Variants in SLC24A2 observed in about 807,000 individuals in gnomAD.
SLC24A2 encodes solute carrier family 24 member 2.
In SLC24A2, 36 loss-of-function variants were observed where a neutral mutation model predicts 62.0. That is an observed-to-expected ratio of 0.58 (90% CI 0.44 to 0.77). The LOEUF is 0.77. SLC24A2 is among the 30% of genes least tolerant of loss of function. SLC24A2 has a pLI of 0.00. For synonymous variants in SLC24A2, 358 were observed against 294.0 expected (o/e 1.22, Z -2.23); for missense variants, 846 against 817.9 (o/e 1.03, Z -0.42).
chr9:19,995,343 CCA>C, the SLC24A2 span, among the ~76,000 whole-genome samples: 1 of 152,132 alleles, frequency 6.6e-6, no homozygotes, highest in African/African-American at 2.4e-5. Flanking sequence ...AACACACATG[CCA>C]CAGAGGTAAA....
the SLC24A2 span, among the ~76,000 whole-genome samples, chr9:20,190,699 T>C: frequency 1.3e-5 from 2 of 152,320 alleles, no homozygotes; most frequent in East Asian, 3.9e-4. Flanking sequence ...TTTTCTGTAT[T>C]AGTCATGAGC....
At chr9:19,818,804 A>G in the SLC24A2 span, among the ~76,000 whole-genome samples, 1 of 152,166 alleles carries the variant, frequency 6.6e-6, no homozygotes, top group African/African-American at 2.4e-5. Context: ...CACAGTCCCC[A>G]TCAAAATACC....
At chr9:19,711,238 C>G (rs1457386833) in intron 2 of SLC24A2, among the ~76,000 whole-genome samples, 1 of 152,168 alleles carries the variant, frequency 6.6e-6, no homozygotes, top group Non-Finnish European at 1.5e-5. Context: ...CTTCCAGAGG[C>G]TACATGATGT....
chr9:19,869,141 C>T, the SLC24A2 span, among the ~76,000 whole-genome samples: 1 of 152,040 alleles, frequency 6.6e-6, no homozygotes, highest in Admixed American at 6.6e-5. Flanking sequence ...ACCACCATTC[C>T]TGGCTAATTT....
intron 2 of SLC24A2, among the ~76,000 whole-genome samples, chr9:19,750,946 G>A (rs981088787): frequency 1.3e-5 from 2 of 152,094 alleles, no homozygotes; most frequent in Non-Finnish European, 2.9e-5. Context: ...GTGTTAGACC[G>A]GCTTCTGGTA....
chr9:20,072,283 A>G, the SLC24A2 span, among the ~76,000 whole-genome samples: 1 of 152,132 alleles, frequency 6.6e-6, no homozygotes, highest in African/African-American at 2.4e-5. Context: ...CCTCCAGAGT[A>G]TGGGGCAGGA....
At chr9:20,099,969 T>G in the SLC24A2 span, among the ~76,000 whole-genome samples, 1 of 152,152 alleles carries the variant, frequency 6.6e-6, no homozygotes, top group Non-Finnish European at 1.5e-5. Context: ...GCTGACTATT[T>G]TTATTACTCT....
chr9:19,533,966 G>T (rs1358289492), intron 8 of SLC24A2, among the ~76,000 whole-genome samples: 1 of 151,910 alleles, frequency 6.6e-6, no homozygotes, highest in Non-Finnish European at 1.5e-5. Flanking sequence ...AACTGGGACC[G>T]TCCTGGGTAA....
chr9:20,233,081 G>A, the SLC24A2 span, among the ~76,000 whole-genome samples: 7 of 152,076 alleles, frequency 4.6e-5, no homozygotes, highest in Admixed American at 3.9e-4. Context: ...TTGCACTGTG[G>A]TCTGAGAGAC....
the SLC24A2 span, among the ~76,000 whole-genome samples, chr9:20,118,374 A>G: frequency 2.6e-5 from 4 of 152,132 alleles, no homozygotes; most frequent in Non-Finnish European, 5.9e-5. Context: ...AATTCTGCTG[A>G]AATTCTACCA....
At chr9:20,222,757 T>A in the SLC24A2 span, among the ~76,000 whole-genome samples, 2 of 152,056 alleles carry the variant, frequency 1.3e-5, no homozygotes, top group African/African-American at 4.8e-5. Context: ...CAAAAAATGA[T>A]GAAATGTGAT....
At chr9:20,012,007 T>C in the SLC24A2 span, among the ~76,000 whole-genome samples, 1 of 152,114 alleles carries the variant, frequency 6.6e-6, no homozygotes, top group East Asian at 1.9e-4. Flanking sequence ...TAAAAACTTT[T>C]AACAGATTAG....
chr9:19,613,608 G>C (rs1363962150), intron 4 of SLC24A2, among the ~76,000 whole-genome samples: 1 of 152,054 alleles, frequency 6.6e-6, no homozygotes, highest in Non-Finnish European at 1.5e-5. Context: ...GGCAAAAGAG[G>C]TTCTTTAAGT....
At chr9:19,594,558 G>A (rs1176739191) in intron 5 of SLC24A2, among the ~76,000 whole-genome samples, 1 of 152,060 alleles carries the variant, frequency 6.6e-6, no homozygotes, top group Admixed American at 6.6e-5. Flanking sequence ...AACATCCAGA[G>A]AATTCCCTGG....
At chr9:19,551,256 T>C (rs149282241) in intron 7 of SLC24A2, among the ~76,000 whole-genome samples, 27 of 152,174 alleles carry the variant, frequency 1.8e-4, no homozygotes, top group African/African-American at 5.5e-4. Flanking sequence ...AAACAGAAAA[T>C]ACAAGTCAAG....
chr9:20,105,240 A>T, the SLC24A2 span, among the ~76,000 whole-genome samples: 3 of 152,166 alleles, frequency 2.0e-5, no homozygotes, highest in African/African-American at 2.4e-5. Flanking sequence ...CTCCCACACA[A>T]TAATAATGGG....
At chr9:20,172,699 G>A in the SLC24A2 span, among the ~76,000 whole-genome samples, 2 of 151,680 alleles carry the variant, frequency 1.3e-5, no homozygotes, top group East Asian at 3.9e-4. Context: ...AATTTAACAT[G>A]AAATAAAAAA....
the SLC24A2 span, among the ~76,000 whole-genome samples, chr9:20,101,283 A>T: frequency 1.3e-5 from 2 of 152,256 alleles, no homozygotes; most frequent in Non-Finnish European, 2.9e-5. Context: ...GTGCCCCTGC[A>T]TCAACATTTT....
At chr9:20,163,470 G>T in the SLC24A2 span, among the ~76,000 whole-genome samples, 8 of 151,792 alleles carry the variant, frequency 5.3e-5, no homozygotes, top group South Asian at 2.1e-4. Flanking sequence ...CACTGCTCAA[G>T]GAAATAAAAG....
Sources: allele counts gnomAD v4.1 joint callset (sites outside exome capture counted in the v4.1 genomes callset), GRCh38; gene constraint gnomAD v4.1.1; transcripts MANE v1.5; gene names NCBI Gene and HGNC (gene_info 2026-07-23, HGNC 2026-07-21).